ANTXR1: variants seen among roughly 807,000 people sequenced by gnomAD.
The protein encoded by ANTXR1 is ANTXR cell adhesion molecule 1, also known as anthrax toxin receptor 1.
A neutral mutation model predicts 78.1 loss-of-function variants in ANTXR1; 19 were observed. That is an observed-to-expected ratio of 0.24 (90% CI 0.17 to 0.36). ANTXR1 has a LOEUF of 0.36. Among genes scored for constraint, ANTXR1 ranks in the 10% least tolerant of loss-of-function variants. The probability of loss-of-function intolerance (pLI) is 1.00; values close to 1 mark genes in which losing one functional copy is unlikely to be tolerated. For synonymous variants in ANTXR1, 273 were observed against 260.5 expected, an observed-to-expected ratio of 1.05 and a Z score of -0.46; for missense variants, 518 against 718.6, an observed-to-expected ratio of 0.72 and a Z score of 3.19.
chr2:69,133,695 T>C (rs1672824114), intron 12 of ANTXR1, among the ~76,000 whole-genome samples: 1 of 152,206 alleles, frequency 6.6e-6, no homozygotes, highest in African/African-American at 2.4e-5. Context: ...TAAAGGAACT[T>C]AGTACCAAGA....
intron 8 of ANTXR1, among the ~76,000 whole-genome samples, chr2:69,087,514 G>A (rs1338551342): frequency 6.6e-6 from 1 of 152,200 alleles, no homozygotes; most frequent in Non-Finnish European, 1.5e-5. Context: ...GAAAAGTTAA[G>A]GGATTTGTAA....
chr2:69,185,539 CAAATAAAAAAAGAAAAA>C lies in ANTXR1; in HGVS notation c.1353+2883_1353+2899del, dbSNP rs1319903187. ...TGGGCAACAGGGCAAGACTCTATCT[CAAATAAAAAAAGAAAAA>C]AAAAAAAAAAAGAAGAAGAGTTGTC... is the stretch of plus-strand genomic sequence containing the variant. On this transcript the variant is annotated intron_variant, in intron 16 of 17. Transcript: ENST00000303714. Among the ~76,000 whole-genome samples the C allele has an allele frequency of 3.9e-5, 5 of 126,864 alleles. No homozygotes were observed. In the East Asian group the frequency reaches 1.2e-3, roughly 29 times the overall value. 83.2% of individuals were successfully genotyped at this position (126,864 alleles called of 152,430 possible).
At chr2:69,038,878 C>T (rs937008309) in intron 1 of ANTXR1, among the ~76,000 whole-genome samples, 2 of 152,112 alleles carry the variant, frequency 1.3e-5, no homozygotes, top group Admixed American at 6.5e-5. Context: ...AAATGGAATA[C>T]ACCCGATCAG....
chr2:69,113,220 G>A (rs1398746934), intron 10 of ANTXR1, among the ~76,000 whole-genome samples: 2 of 152,074 alleles, frequency 1.3e-5, no homozygotes, highest in African/African-American at 4.8e-5. Flanking sequence ...GGGGTAAGTT[G>A]GCATCCCCCT....
At chr2:69,219,930 G>C (rs1345443408) in intron 17 of ANTXR1, among the ~76,000 whole-genome samples, 1 of 152,012 alleles carries the variant, frequency 6.6e-6, no homozygotes, top group Non-Finnish European at 1.5e-5. Flanking sequence ...TTTTGAACAG[G>C]CTTTTAGCTG....
At chr2:69,203,897 G>A (rs1454834706) in intron 17 of ANTXR1, among the ~76,000 whole-genome samples, 3 of 152,178 alleles carry the variant, frequency 2.0e-5, no homozygotes, top group Non-Finnish European at 4.4e-5. Flanking sequence ...AGCAAACAGA[G>A]AAGTAAATGC....
intron 9 of ANTXR1, among the ~76,000 whole-genome samples, chr2:69,091,394 C>G (rs915687891): frequency 1.4e-5 from 2 of 144,924 alleles, no homozygotes; most frequent in African/African-American, 2.6e-5. Context: ...TGCAGTGAGC[C>G]GAGATCGCAC....
At chr2:69,175,415 TGGGTAACATAGGGAGACC>T (rs1674094030) in intron 14 of ANTXR1, among the ~76,000 whole-genome samples, 2 of 135,134 alleles carry the variant, frequency 1.5e-5, no homozygotes, top group African/African-American at 7.9e-5. Flanking sequence ...GAGACCAGCC[TGGGTAACATAGGGAGACC>T]GCCCCCCGCC....
chr2:69,085,251 A>G (rs1228299000), intron 8 of ANTXR1, among the ~76,000 whole-genome samples: 2 of 152,080 alleles, frequency 1.3e-5, no homozygotes, highest in Non-Finnish European at 2.9e-5. Flanking sequence ...CCTGCCAACT[A>G]CAGTTCTCTA....
Position 69,103,015 on chromosome 2 carries a change from G to C in ANTXR1, c.802+75G>C, listed in dbSNP as rs758206853. 1.1e-5 allele frequency: 15 copies of C among 1,387,640 alleles called. 1 individual carries two copies. In the South Asian group the frequency reaches 1.4e-4, roughly 13 times the overall value. The allele number at this position is 1,387,640 out of a possible 1,614,324, so 86.0% of individuals were successfully genotyped here. ...AGGGAATTCCCACCCTTGTCTTCCAGCAAGGCCACACACATGAAACCAGCA... is the reference window on the plus strand; with the variant it reads ...AGGGAATTCCCACCCTTGTCTTCCACCAAGGCCACACACATGAAACCAGCA... On this transcript the variant is annotated intron_variant, in intron 10 of 17. Transcript: ENST00000303714.
chr2:69,029,051 C>T (rs929627483), intron 1 of ANTXR1, among the ~76,000 whole-genome samples: 1 of 125,758 alleles, frequency 8.0e-6, no homozygotes, highest in African/African-American at 2.9e-5. Context: ...ACCCCCCCCC[C>T]TCCATCTCTA....
At chr2:69,167,805 G>A (rs770353253) in intron 13 of ANTXR1, among the ~76,000 whole-genome samples, 6 of 152,174 alleles carry the variant, frequency 3.9e-5, no homozygotes, top group African/African-American at 4.8e-5. Flanking sequence ...CTTACAGTGC[G>A]TCAATGTGAA....
At position 69,097,482 on chromosome 2, in the gene ANTXR1, A is replaced by G. The variant is rs1446442184; in HGVS notation, c.704-5360A>G. Among the ~76,000 whole-genome samples the G allele has an allele frequency of 3.9e-5, 6 of 152,386 alleles. No homozygotes were observed. The South Asian group carries it at 1.2e-3, about 32-fold the overall frequency. On this transcript the variant is annotated intron_variant, in intron 9 of 17. Transcript: ENST00000303714. ...TTTAAAACAGACACATTCAAGCAACATCAGATAGTGGTGTATTCCTCTCAC... is the reference window on the plus strand; with the variant it reads ...TTTAAAACAGACACATTCAAGCAACGTCAGATAGTGGTGTATTCCTCTCAC...
intron 13 of ANTXR1, among the ~76,000 whole-genome samples, chr2:69,160,901 T>C (rs990994245): frequency 1.3e-5 from 2 of 152,178 alleles, no homozygotes; most frequent in Non-Finnish European, 2.9e-5. Flanking sequence ...AACACAGTCC[T>C]AGAGAACGCT....
chr2:69,199,046 G>T (rs1443406403), intron 17 of ANTXR1, among the ~76,000 whole-genome samples: 1 of 152,208 alleles, frequency 6.6e-6, no homozygotes, highest in African/African-American at 2.4e-5. Flanking sequence ...ACAACGGGCT[G>T]CCCCAGAGAC....
At chr2:69,117,577 G>A (rs536005184) in intron 10 of ANTXR1, among the ~76,000 whole-genome samples, 35 of 152,158 alleles carry the variant, frequency 2.3e-4, no homozygotes, top group African/African-American at 8.4e-4. Context: ...TGTTAATTTG[G>A]TAAAGTGATA....
intron 10 of ANTXR1, among the ~76,000 whole-genome samples, chr2:69,106,837 G>A (rs1449425419): frequency 1.3e-5 from 2 of 152,156 alleles, no homozygotes; most frequent in African/African-American, 4.8e-5. Flanking sequence ...ACCATGTCAA[G>A]ATGAATGAAA....
At chr2:69,119,164 G>A (rs4854549) in intron 10 of ANTXR1, among the ~76,000 whole-genome samples, 27,326 of 152,168 alleles carry the variant, frequency 0.18, 3,094 homozygotes, top group East Asian at 0.47. Flanking sequence ...TGGGATGGAG[G>A]AAGGAGAGAG....
At chr2:69,055,081 C>T (rs970897389) in intron 3 of ANTXR1, among the ~76,000 whole-genome samples, 1 of 152,126 alleles carries the variant, frequency 6.6e-6, no homozygotes, top group African/African-American at 2.4e-5. Flanking sequence ...ATAGTAAGTG[C>T]TCAATTAACC....
Sources: gnomAD v4.1 joint callset for allele counts (sites outside exome capture counted in the v4.1 genomes callset) on GRCh38, gnomAD v4.1.1 for gene constraint, MANE v1.5 for transcripts, NCBI Gene and HGNC (gene_info 2026-07-23, HGNC 2026-07-21) for gene names.